The following TMEM100 variants were observed in gnomAD, a reference collection of about 807,000 sequenced individuals.
TMEM100 encodes the protein transmembrane protein 100.
For missense variants in TMEM100, 137 were observed against 168.2 expected, an observed-to-expected ratio of 0.81 and a Z score of 1.02; for synonymous variants, 61 against 67.1, an observed-to-expected ratio of 0.91 and a Z score of 0.44.
upstream of TMEM100, among the ~76,000 whole-genome samples, chr17:55,725,608 A>G (rs761048827): frequency 6.6e-6 from 1 of 152,034 alleles, no homozygotes; most frequent in African/African-American, 2.4e-5. Context: ...CTTAAACACA[A>G]TTAAGGGACC....
chr17:55,720,829 T>C lies in TMEM100; in HGVS notation c.242A>G (p.His81Arg). 1 of 1,614,046 alleles carries C rather than the reference T, an allele frequency of 6.2e-7. No homozygotes were observed. Among genetic ancestry groups the C allele is most frequent in the Non-Finnish European group, 8.5e-7 (1 of 1,180,014 alleles). ...GCCAAAGATGGAGATAATAGACCCATGGGAATTGAAGCTGTAAGCCACCGC... is the reference window on the plus strand; with the variant it reads ...GCCAAAGATGGAGATAATAGACCCACGGGAATTGAAGCTGTAAGCCACCGC... ...VTAVAYSFNS[H>R]GSIISIFGLV... The change falls in exon 2 of 2, where the codon CAT (histidine) becomes CGT (arginine). Residue 81 changes from histidine (H) to arginine (R), a missense_variant. Coordinates refer to ENST00000424486, the MANE Select transcript of TMEM100 (RefSeq NM_018286.3).
chr17:55,728,866 A>G (rs1480380698), intron 1 of TMEM100, among the ~76,000 whole-genome samples: 4 of 152,202 alleles, frequency 2.6e-5, no homozygotes, highest in Non-Finnish European at 2.9e-5. Flanking sequence ...AACATTATAA[A>G]TAGAAAAGGA....
intron 1 of TMEM100, 194 bp from the exon 2 acceptor site, chr17:55,721,329 G>T: frequency 2.4e-6 from 1 of 414,596 alleles, no homozygotes; most frequent in Non-Finnish European, 4.3e-6. Flanking sequence ...GCATATGAAG[G>T]GAAGACAGAA....
At chr17:55,725,177 G>A (rs1909029462), upstream of TMEM100, among the ~76,000 whole-genome samples, 1 of 152,140 alleles carries the variant, frequency 6.6e-6, no homozygotes, top group Non-Finnish European at 1.5e-5. Flanking sequence ...GTTTCTGAAT[G>A]TTTATTCCTC....
rs779288627 is a variant in TMEM100, at chr17:55,720,902, T to G, written c.169A>C (p.Ile57Leu). ...GGTELSCYRC[I>L]IPFAVVVFIA... ...AAGACAACCACAGCAAAGGGGATGA[T>G]GCAGCGGTAGCAGGAGAGCTCGGTA... The change falls in exon 2 of 2, where the codon ATC becomes CTC. Residue 57 changes from isoleucine to leucine, a missense_variant. By Grantham distance (5) the Ile-to-Leu change is conservative (BLOSUM62 2). Coordinates refer to ENST00000424486, the MANE Select transcript of TMEM100 (RefSeq NM_018286.3). The G allele has an allele frequency of 1.2e-6, 2 of 1,614,180 alleles. No homozygotes were observed. The highest frequency in any genetic ancestry group is 1.7e-5 in the Admixed American group (1 of 60,018).
intron 1 of TMEM100, among the ~76,000 whole-genome samples, chr17:55,731,410 T>C (rs561645544): frequency 6.6e-6 from 1 of 152,298 alleles, no homozygotes; most frequent in East Asian, 1.9e-4. Context: ...TTGAGTTTGA[T>C]TCTTTTCCTC....
upstream of TMEM100, among the ~76,000 whole-genome samples, chr17:55,725,323 A>G (rs1053547168): frequency 1.3e-5 from 2 of 152,154 alleles, no homozygotes; most frequent in Admixed American, 1.3e-4. Flanking sequence ...AGAAGAGGAA[A>G]TCTCTCTAGT....
At chr17:55,728,794 G>C (rs1909132735) in intron 1 of TMEM100, among the ~76,000 whole-genome samples, 1 of 152,034 alleles carries the variant, frequency 6.6e-6, no homozygotes, top group Non-Finnish European at 1.5e-5. Flanking sequence ...AGGCCCAGGG[G>C]TGTGTGTGTG....
intron 1 of TMEM100, among the ~76,000 whole-genome samples, chr17:55,728,510 G>A (rs763680975): frequency 5.3e-5 from 8 of 152,192 alleles, no homozygotes; most frequent in Admixed American, 1.3e-4. Context: ...TGCGGAATCC[G>A]TGGAAGATGC....
At chr17:55,721,860 C>T (rs1211578902) in intron 1 of TMEM100, 1 of 152,210 alleles carries the variant, frequency 6.6e-6, no homozygotes, top group Non-Finnish European at 1.5e-5. Context: ...TCAACCCCTT[C>T]ATAGGATATA....
Position 55,720,649 on chromosome 17 carries a change from T to C in TMEM100, c.*17A>G, listed in dbSNP as rs1168628048. 1 of 1,571,514 alleles carries C rather than the reference T, an allele frequency of 6.4e-7. No individual in the cohort carries two copies. Among genetic ancestry groups the C allele is most frequent in the African/African-American group, 1.4e-5 (1 of 73,358 alleles). On this transcript the variant is annotated 3_prime_UTR_variant, in exon 2 of 2. Coordinates refer to ENST00000424486, the MANE Select transcript of TMEM100 (RefSeq NM_018286.3). ...CACGTTTTCCAGGCCCAATGGCCCA[T>C]TTGGTCGTATTCAGTCTCAAGCAAA...
chr17:55,728,575 G>A (rs139237573), intron 1 of TMEM100, among the ~76,000 whole-genome samples: 179 of 152,324 alleles, frequency 1.2e-3, no homozygotes, highest in African/African-American at 4.0e-3. Flanking sequence ...GCCTTCAGAA[G>A]CATTTTAGTT....
At chr17:55,727,182 T>C (rs190871495), upstream of TMEM100, among the ~76,000 whole-genome samples, 144 of 152,346 alleles carry the variant, frequency 9.5e-4, no homozygotes, top group Non-Finnish European at 1.8e-3. Context: ...TGAGAAGAAT[T>C]GATTTTCTTG....
upstream of TMEM100, among the ~76,000 whole-genome samples, chr17:55,726,596 A>G (rs1465545598): frequency 6.6e-6 from 1 of 152,124 alleles, no homozygotes; most frequent in Non-Finnish European, 1.5e-5. Flanking sequence ...TGAGCTGGCT[A>G]ATTTCCAGCA....
chr17:55,726,146 T>G (rs924665948), upstream of TMEM100, among the ~76,000 whole-genome samples: 4 of 152,108 alleles, frequency 2.6e-5, no homozygotes, highest in African/African-American at 9.7e-5. Flanking sequence ...CAAGGCACCA[T>G]AGAAATTATG....
chr17:55,720,550 C>G lies in TMEM100; in HGVS notation c.*116G>C. 9.7e-6 allele frequency: 6 copies of G among 619,764 alleles called. No individual in the cohort carries two copies. The highest frequency in any genetic ancestry group is 1.3e-5 in the Non-Finnish European group (5 of 388,382). The allele number at this position is 619,764 out of a possible 1,614,324, so 38.4% of individuals were successfully genotyped here. A position where few individuals can be genotyped will look rare whatever the true frequency, so the allele number is the denominator to read the frequency against. On this transcript the variant is annotated 3_prime_UTR_variant, in exon 2 of 2. Transcript: ENST00000424486. ...GCCCCTCCACCCTCCCACCCCCATTCTTCCAGTCTGCTCCAACGCCAAGTC... is the reference window on the plus strand; with the variant it reads ...GCCCCTCCACCCTCCCACCCCCATTGTTCCAGTCTGCTCCAACGCCAAGTC...
upstream of TMEM100, among the ~76,000 whole-genome samples, chr17:55,725,659 G>A (rs1909046548): frequency 6.7e-6 from 1 of 149,202 alleles, no homozygotes; most frequent in Non-Finnish European, 1.5e-5. Flanking sequence ...AATGCTGCTG[G>A]ATTTTACTCT....
rs200576429 is a variant in TMEM100 at position 55,720,776 on chromosome 17, A to C, written c.295T>G (p.Leu99Val). ...GLVVLSSGLF[L>V]LASSALCWKV... ...CAGCACAAGGCACTGGAGGCTAGTA[A>C]AAAAAGTCCAGATGACAGAACAACC... Residue 99 changes from leucine (L) to valine (V), a missense_variant, in exon 2 of 2, where the codon TTA (leucine) becomes GTA (valine). Leu to Val is a conservative substitution (Grantham distance 32, BLOSUM62 1). Coordinates refer to ENST00000424486, the MANE Select transcript of TMEM100 (RefSeq NM_018286.3). 1 of 1,614,108 alleles carries C rather than the reference A, an allele frequency of 6.2e-7. No homozygotes were observed. Among genetic ancestry groups the C allele is most frequent in the Non-Finnish European group, 8.5e-7 (1 of 1,180,048 alleles).
Position 55,720,785 on chromosome 17 carries a change from C to T in TMEM100, c.286G>A (p.Gly96Arg). 6.2e-7 allele frequency: 1 copy of T among 1,614,210 alleles called. No homozygotes were observed. The highest frequency in any genetic ancestry group is 2.2e-5 in the East Asian group (1 of 44,884). The change falls in exon 2 of 2, where the codon GGA (glycine) becomes AGA (arginine). Residue 96 changes from glycine to arginine, a missense_variant. By Grantham distance (125) the Gly-to-Arg change is moderately radical (BLOSUM62 -2). Transcript: ENST00000424486. ...GCACTGGAGGCTAGTAAAAAAAGTC[C>T]AGATGACAGAACAACCAGGCCAAAG... is the stretch of plus-strand genomic sequence containing the variant. ...SIFGLVVLSS[G>R]LFLLASSALC...
Sources: allele counts gnomAD v4.1 joint callset (sites outside exome capture counted in the v4.1 genomes callset), GRCh38; gene constraint gnomAD v4.1.1; transcripts MANE v1.5; gene names NCBI Gene and HGNC (gene_info 2026-07-23, HGNC 2026-07-21).